The following MRPL13 variants were observed in gnomAD, a reference collection of about 807,000 sequenced individuals.
MRPL13 encodes mitochondrial ribosomal protein L13.
In MRPL13, 33 loss-of-function variants were observed where a neutral mutation model predicts 29.0. The ratio of observed to expected loss-of-function variants is 1.14; its 90% CI spans 0.86 to 1.52. The LOEUF is 1.52. Among genes scored for constraint, MRPL13 ranks in the 40% most tolerant of loss-of-function variants. The pLI is 0.00. For synonymous variants in MRPL13, 77 were observed against 68.4 expected, an observed-to-expected ratio of 1.13 and a Z score of -0.62; for missense variants, 227 against 216.7, an observed-to-expected ratio of 1.05 and a Z score of -0.30.
chr8:120,414,844 C>T (rs1317935051), intron 5 of MRPL13: 1 of 152,118 alleles, frequency 6.6e-6, no homozygotes, highest in Non-Finnish European at 1.5e-5. Flanking sequence ...GGACCACTTT[C>T]CCCCTACTAT....
rs373071228 is a variant in MRPL13 at position 120,396,188 on chromosome 8, G to A, written c.516-63C>T. ...TATTTTGTTTTCTCCTGACTGATGA[G>A]GATTATTTTTCCAATTTAAAATAAA... is the stretch of plus-strand genomic sequence containing the variant. On this transcript the variant is annotated intron_variant, in intron 6 of 6. Transcript: ENST00000306185. 214 of 1,231,872 alleles carry A rather than the reference G, an allele frequency of 1.7e-4. 2 individuals are homozygous for A. In the African/African-American group the frequency reaches 2.8e-3, roughly 16 times the overall value. 76.3% of individuals were successfully genotyped at this position (1,231,872 alleles called of 1,614,324 possible).
chr8:120,434,929 A>C (rs1813036028), intron 2 of MRPL13, among the ~76,000 whole-genome samples: 1 of 152,122 alleles, frequency 6.6e-6, no homozygotes. Context: ...GCAGACTCTT[A>C]ATTATAGATC....
intron 5 of MRPL13, 49 bp downstream of exon 5, chr8:120,419,803 T>A: frequency 7.3e-7 from 1 of 1,378,330 alleles, no homozygotes; most frequent in South Asian, 1.5e-5. Context: ...AATGAAACAT[T>A]TAATTGAAAA....
chr8:120,434,508 G>A (rs1443931849), intron 2 of MRPL13, among the ~76,000 whole-genome samples: 1 of 152,048 alleles, frequency 6.6e-6, no homozygotes, highest in Non-Finnish European at 1.5e-5. Flanking sequence ...TACAACTCCA[G>A]TAAAACTTCA....
At chr8:120,416,441 C>A (rs964548068) in intron 5 of MRPL13, among the ~76,000 whole-genome samples, 1 of 152,096 alleles carries the variant, frequency 6.6e-6, no homozygotes, top group Non-Finnish European at 1.5e-5. Flanking sequence ...TTGCAGTGAG[C>A]CCAGATTGTG....
chr8:120,430,539 C>T (rs1325113263), intron 3 of MRPL13, among the ~76,000 whole-genome samples: 1 of 152,154 alleles, frequency 6.6e-6, no homozygotes, highest in Non-Finnish European at 1.5e-5. Context: ...AAGCAATCAA[C>T]TCTTTGAGCG....
At chr8:120,438,762 C>G (rs975795331) in intron 2 of MRPL13, among the ~76,000 whole-genome samples, 1 of 152,278 alleles carries the variant, frequency 6.6e-6, no homozygotes. Context: ...GTTCTAGTCC[C>G]AGTTCTACTA....
intron 3 of MRPL13, among the ~76,000 whole-genome samples, chr8:120,427,544 G>C (rs1812944672): frequency 2.0e-5 from 3 of 152,116 alleles, no homozygotes; most frequent in Admixed American, 2.0e-4. Context: ...CAGTCAAGCG[G>C]AGAGTCAAAT....
At chr8:120,434,569 T>C (rs1813031609) in intron 2 of MRPL13, among the ~76,000 whole-genome samples, 1 of 152,072 alleles carries the variant, frequency 6.6e-6, no homozygotes, top group Admixed American at 6.6e-5. Context: ...AAGTGGTAGT[T>C]AAAATGCCAT....
intron 2 of MRPL13, among the ~76,000 whole-genome samples, chr8:120,438,329 A>C (rs1454030814): frequency 6.6e-6 from 1 of 152,200 alleles, no homozygotes; most frequent in African/African-American, 2.4e-5. Context: ...TGGCAGAGTA[A>C]GACCCTGTCT....
At chr8:120,422,053 T>G (rs1024828773) in intron 4 of MRPL13, among the ~76,000 whole-genome samples, 6 of 151,720 alleles carry the variant, frequency 4.0e-5, no homozygotes, top group Admixed American at 3.3e-4. Flanking sequence ...AAGCAAATTC[T>G]GAGCACAGTT....
chr8:120,440,425 G>A (rs1397967381), intron 2 of MRPL13, among the ~76,000 whole-genome samples: 1 of 152,110 alleles, frequency 6.6e-6, no homozygotes, highest in Non-Finnish European at 1.5e-5. Context: ...TGGCAACATG[G>A]TGAAACCCTG....
intron 3 of MRPL13, among the ~76,000 whole-genome samples, chr8:120,428,120 T>C (rs1352790312): frequency 2.3e-4 from 22 of 93,888 alleles, no homozygotes; most frequent in Non-Finnish European, 3.9e-4. Context: ...AACAGCATGG[T>C]ACTGATAAAA....
chr8:120,420,695 C>G (rs1157033645), intron 4 of MRPL13, among the ~76,000 whole-genome samples: 2 of 151,416 alleles, frequency 1.3e-5, no homozygotes, highest in Non-Finnish European at 3.0e-5. Context: ...TGAAATTGTT[C>G]AATGTTTTAA....
At chr8:120,422,962 C>A (rs1274878391) in intron 4 of MRPL13, among the ~76,000 whole-genome samples, 2 of 151,822 alleles carry the variant, frequency 1.3e-5, no homozygotes, top group Non-Finnish European at 2.9e-5. Flanking sequence ...TTATAAATTG[C>A]GGACCTACAA....
chr8:120,424,771 A>C (rs1482253658), intron 4 of MRPL13, among the ~76,000 whole-genome samples: 1 of 152,020 alleles, frequency 6.6e-6, no homozygotes, highest in Non-Finnish European at 1.5e-5. Flanking sequence ...GTCTCCAGAA[A>C]AATAAATAAA....
At chr8:120,425,211 GCT>G in intron 4 of MRPL13, 93 bp downstream of exon 4, 2 of 910,262 alleles carry the variant, frequency 2.2e-6, no homozygotes, top group Non-Finnish European at 3.4e-6. Flanking sequence ...ATCCTTGAAT[GCT>G]AACTATATTA....
chr8:120,401,363 A>C (rs1812595223), intron 6 of MRPL13, among the ~76,000 whole-genome samples: 1 of 152,204 alleles, frequency 6.6e-6, no homozygotes, highest in African/African-American at 2.4e-5. Context: ...CAGATCAATA[A>C]ATGTAATTCA....
chr8:120,401,605 C>T (rs1000597831), intron 6 of MRPL13, among the ~76,000 whole-genome samples: 13 of 152,252 alleles, frequency 8.5e-5, no homozygotes, highest in Middle Eastern at 3.4e-3. Flanking sequence ...GACAAGGATG[C>T]CCTTTTTCAC....
Sources: gnomAD v4.1 joint callset for allele counts (sites outside exome capture counted in the v4.1 genomes callset) on GRCh38, gnomAD v4.1.1 for gene constraint, MANE v1.5 for transcripts, NCBI Gene and HGNC (gene_info 2026-07-23, HGNC 2026-07-21) for gene names.